Variants in PPIC observed in about 807,000 individuals in gnomAD.
PPIC encodes peptidylprolyl isomerase C.
A neutral mutation model predicts 19.5 loss-of-function variants in PPIC; 19 were observed. The observed-to-expected ratio is 0.98, with a 90% confidence interval of 0.68 to 1.43. The LOEUF (loss-of-function observed/expected upper bound fraction) is 1.43. Among genes scored for constraint, PPIC ranks in the 40% most tolerant of loss-of-function variants. The pLI is 0.00. For synonymous variants in PPIC, 107 were observed against 101.2 expected, an observed-to-expected ratio of 1.06 and a Z score of -0.34; for missense variants, 268 against 268.6, an observed-to-expected ratio of 1.00 and a Z score of 0.02.
intron 1 of PPIC, among the ~76,000 whole-genome samples, chr5:123,032,637 A>G (rs1350333253): frequency 6.6e-6 from 1 of 152,170 alleles, no homozygotes; most frequent in Non-Finnish European, 1.5e-5. Flanking sequence ...CTGGGAACAA[A>G]ACCCAGTGCT....
intron 1 of PPIC, among the ~76,000 whole-genome samples, chr5:123,030,125 T>A (rs1762922952): frequency 6.6e-6 from 1 of 152,228 alleles, no homozygotes; most frequent in Non-Finnish European, 1.5e-5. Context: ...GTCCTCTTGT[T>A]CCCAAGTTAC....
At chr5:123,025,294 T>TA (rs1009769786) in intron 4 of PPIC, among the ~76,000 whole-genome samples, 8 of 152,160 alleles carry the variant, frequency 5.3e-5, no homozygotes, top group Non-Finnish European at 7.3e-5. Flanking sequence ...ACCTATTAAA[T>TA]ACAACATCCC....
Position 123,025,808 on chromosome 5 carries a change from C to T in PPIC, c.486G>A (p.Val162=), listed in dbSNP as rs758807912. 22 of 1,613,368 alleles carry T rather than the reference C, an allele frequency of 1.4e-5. No homozygotes were observed. Among genetic ancestry groups the T allele is most frequent in the Non-Finnish European group, 1.9e-5 (22 of 1,179,852 alleles). ...CCATCCCATCAATGACTTTTCCAAACACCACATGTTTGCCGTCCAACCAGG... is the reference window on the plus strand; with the variant it reads ...CCATCCCATCAATGACTTTTCCAAATACCACATGTTTGCCGTCCAACCAGG... The part of the protein sequence containing the change: ...KPTWLDGKHV[V]FGKVIDGMTV... The change falls in exon 4 of 5, where the codon GTG becomes GTA. Residue 162 remains valine, a synonymous_variant. Coordinates refer to ENST00000306442, the MANE Select transcript of PPIC (RefSeq NM_000943.5).
At chr5:123,025,586 C>T (rs1278025185) in intron 4 of PPIC, among the ~76,000 whole-genome samples, 198 bp downstream of exon 4, 2 of 152,142 alleles carry the variant, frequency 1.3e-5, no homozygotes, top group Non-Finnish European at 2.9e-5. Flanking sequence ...TTAATTTCTC[C>T]TTGTCAAGTC....
At chr5:123,031,687 G>C (rs1437101078) in intron 1 of PPIC, among the ~76,000 whole-genome samples, 1 of 152,212 alleles carries the variant, frequency 6.6e-6, no homozygotes, top group African/African-American at 2.4e-5. Context: ...TACTCAAACG[G>C]AGAGAAAGAG....
intron 4 of PPIC, among the ~76,000 whole-genome samples, chr5:123,025,164 A>G (rs897534773): frequency 7.9e-5 from 12 of 152,200 alleles, no homozygotes; most frequent in African/African-American, 2.9e-4. Context: ...TAAGAAATAC[A>G]TAACATAAAA....
In PPIC at chr5:123,025,856, G is replaced by A. The variant is rs761668325; in HGVS notation, c.438C>T (p.Phe146=). The change falls in exon 4 of 5, where the codon TTC becomes TTT. Residue 146 remains phenylalanine, a synonymous_variant. Transcript: ENST00000306442. ...AGGTGGGCTTGGTCAAGGTGATAAA[G>A]AACTGAGAGCCATTGGTGTCAGGCC... ...NAGPDTNGSQ[F]FITLTKPTWL... 1.2e-6 allele frequency: 2 copies of A among 1,614,142 alleles called. No homozygotes were observed. The highest frequency in any genetic ancestry group is 1.7e-5 in the Admixed American group (1 of 60,018).
At chr5:123,032,810 G>A (rs758927391) in intron 1 of PPIC, among the ~76,000 whole-genome samples, 60 of 152,190 alleles carry the variant, frequency 3.9e-4, no homozygotes, top group Non-Finnish European at 6.9e-4. Context: ...GTGGAGATAA[G>A]TGTGGGCTTC....
chr5:123,034,098 A>G (rs2150190860), intron 1 of PPIC, among the ~76,000 whole-genome samples: 1 of 152,336 alleles, frequency 6.6e-6, no homozygotes, highest in Middle Eastern at 3.4e-3. Flanking sequence ...CCTATTTTTA[A>G]ATGAAATCAG....
At chr5:123,032,148 A>G (rs900075156) in intron 1 of PPIC, among the ~76,000 whole-genome samples, 1 of 152,224 alleles carries the variant, frequency 6.6e-6, no homozygotes, top group Admixed American at 6.5e-5. Flanking sequence ...GCAGGAAGAA[A>G]GAGGGAAGGA....
In PPIC at chr5:123,023,856, T is replaced by G. The variant is rs754818746; in HGVS notation, c.*19A>C. ...CACACACCCCTGCCAAAGCATATCC[T>G]TGTTTTCTGCCAGTTGTGTCACCAA... On this transcript the variant is annotated 3_prime_UTR_variant, in exon 5 of 5. Coordinates refer to ENST00000306442, the MANE Select transcript of PPIC (RefSeq NM_000943.5). 1 of 1,591,236 alleles carries G rather than the reference T, an allele frequency of 6.3e-7. No individual in the cohort carries two copies. Among genetic ancestry groups the G allele is most frequent in the Non-Finnish European group, 8.6e-7 (1 of 1,165,318 alleles).
chr5:123,025,898 G>C lies in PPIC; in HGVS notation c.396C>G (p.Val132=), dbSNP rs1051358562. The part of the protein sequence containing the change: ...FKLKHYGIGW[V]SMANAGPDTN... Reference sequence around the variant, plus strand: ...TGTCAGGCCCAGCGTTGGCCATGCTGACCCACCCAATGCCATAGTGCTTCA... The same window carrying C: ...TGTCAGGCCCAGCGTTGGCCATGCTCACCCACCCAATGCCATAGTGCTTCA... The change falls in exon 4 of 5, where the codon GTC becomes GTG. Residue 132 remains valine (V), a synonymous_variant. Transcript: ENST00000306442. 1 of 1,613,998 alleles carries C rather than the reference G, an allele frequency of 6.2e-7. No homozygotes were observed. The highest frequency in any genetic ancestry group is 1.7e-5 in the Admixed American group (1 of 59,970).
chr5:123,036,390 T>G lies in PPIC; in HGVS notation c.117+119A>C, dbSNP rs1197850726. The G allele has an allele frequency of 1.1e-6, 1 of 926,790 alleles. No homozygotes were observed. Among genetic ancestry groups the G allele is most frequent in the East Asian group, 2.7e-5 (1 of 37,476 alleles). 57.4% of individuals were successfully genotyped at this position (926,790 alleles called of 1,614,324 possible). On this transcript the variant is annotated intron_variant, in intron 1 of 4. Transcript: ENST00000306442. The surrounding 1 kb of genome is among the most constrained non-coding windows in gnomAD (Gnocchi z 4.5). ...CACCCAGTCCCGCGGCCGCCTCCAGTCCCCCTGCGCCCGGGAAGCCTCCAC... is the reference window on the plus strand; with the variant it reads ...CACCCAGTCCCGCGGCCGCCTCCAGGCCCCCTGCGCCCGGGAAGCCTCCAC...
In PPIC at chr5:123,036,299, C is replaced by G. The variant is rs1481717098; in HGVS notation, c.117+210G>C. 1 of 579,090 alleles carries G rather than the reference C, an allele frequency of 1.7e-6. No homozygotes were observed. Among genetic ancestry groups the G allele is most frequent in the Admixed American group, 3.0e-5 (1 of 32,888 alleles). 35.9% of individuals were successfully genotyped at this position (579,090 alleles called of 1,614,324 possible). ...CAGACTGCGGCGGAGGTAGGCTGGC[C>G]TCAGCCCAGCTCCCCCAGGGTCTCC... On this transcript the variant is annotated intron_variant, in intron 1 of 4. Coordinates refer to ENST00000306442, the MANE Select transcript of PPIC (RefSeq NM_000943.5). This position sits in a 1 kb window ranked among gnomAD's most constrained non-coding sequence, Gnocchi z 4.5.
chr5:123,029,027 GC>G (rs1762904950), intron 2 of PPIC, 159 bp from the exon 3 acceptor site: 3 of 830,046 alleles, frequency 3.6e-6, no homozygotes, highest in Non-Finnish European at 5.5e-6. Flanking sequence ...TTTATCATTA[GC>G]TGACCAAAAA....
chr5:123,028,103 C>T (rs1762886847), intron 3 of PPIC, among the ~76,000 whole-genome samples: 1 of 152,164 alleles, frequency 6.6e-6, no homozygotes, highest in Admixed American at 6.5e-5. Context: ...AAGCTTGGGT[C>T]CTGACGAAAC....
At chr5:123,025,727 G>T in intron 4 of PPIC, 57 bp downstream of exon 4, 1 of 1,525,916 alleles carries the variant, frequency 6.6e-7, no homozygotes, top group Non-Finnish European at 9.0e-7. Flanking sequence ...ATAAATCACT[G>T]AAAGTACTCT....
chr5:123,023,519 C>T lies in PPIC; in HGVS notation c.*356G>A, dbSNP rs1762794605. ...TGTTTGGATACAAAATAATAATATC[C>T]TCATCTGTTTCAGATAAATGTTCAG... On this transcript the variant is annotated 3_prime_UTR_variant, in exon 5 of 5. Transcript: ENST00000306442. The T allele has an allele frequency of 6.3e-6, 1 of 158,088 alleles. No homozygotes were observed. Among genetic ancestry groups the T allele is most frequent in the Admixed American group, 6.4e-5 (1 of 15,722 alleles). The allele number at this position is 158,088 out of a possible 1,614,324, so 9.8% of individuals were successfully genotyped here.
At position 123,032,283 on chromosome 5, in the gene PPIC, G is replaced by A. The variant is rs569256107; in HGVS notation, c.118-2865C>T. On this transcript the variant is annotated intron_variant, in intron 1 of 4. Coordinates refer to ENST00000306442, the MANE Select transcript of PPIC (RefSeq NM_000943.5). ...CACTAATTTACAAATGAGAAAAGTG[G>A]GAATTAGGGAGGTTAAGTGATTTAC... Among the ~76,000 whole-genome samples the A allele has an allele frequency of 9.2e-5, 14 of 152,332 alleles. No homozygotes were observed. In the East Asian group the frequency reaches 2.5e-3, roughly 27 times the overall value.
Sources: gnomAD v4.1 joint callset for allele counts (sites outside exome capture counted in the v4.1 genomes callset) on GRCh38, gnomAD v4.1.1 for gene constraint, Gnocchi (gnomAD v3.1) non-coding constraint, MANE v1.5 for transcripts, NCBI Gene and HGNC (gene_info 2026-07-23, HGNC 2026-07-21) for gene names.